Variants in KHDRBS2 observed in about 807,000 individuals in gnomAD.
KHDRBS2 encodes the protein KH RNA binding domain containing, signal transduction associated 2.
KHDRBS2 carries 26 observed loss-of-function variants against 44.3 expected under a neutral mutation model. That is an observed-to-expected ratio of 0.59 (90% CI 0.43 to 0.81). The LOEUF (loss-of-function observed/expected upper bound fraction) is 0.81, where lower values mean the gene tolerates loss of function less well. Ranked by LOEUF, KHDRBS2 falls within the 40% of genes least tolerant of loss-of-function variation. KHDRBS2 has a pLI of 0.00. For missense variants in KHDRBS2, 476 were observed against 433.1 expected, an observed-to-expected ratio of 1.10 and a Z score of -0.88; for synonymous variants, 194 against 151.1, an observed-to-expected ratio of 1.28 and a Z score of -2.08.
At chr6:62,146,433 T>C (rs1362250454) in intron 2 of KHDRBS2, among the ~76,000 whole-genome samples, 2 of 151,468 alleles carry the variant, frequency 1.3e-5, no homozygotes, top group Non-Finnish European at 3.0e-5. Context: ...CATTAAATCT[T>C]ATTTTTAAGT....
At chr6:61,558,909 G>A in the KHDRBS2 span, among the ~76,000 whole-genome samples, 1 of 152,078 alleles carries the variant, frequency 6.6e-6, no homozygotes, top group Non-Finnish European at 1.5e-5. Context: ...TGGTTGAAAC[G>A]TTTTGTAAAT....
chr6:62,068,416 A>G (rs1794243307), intron 2 of KHDRBS2, among the ~76,000 whole-genome samples: 1 of 151,402 alleles, frequency 6.6e-6, no homozygotes, highest in Non-Finnish European at 1.5e-5. Flanking sequence ...TAAGACCCTT[A>G]TCAGATACAT....
At chr6:61,976,814 C>T (rs1237755114) in intron 4 of KHDRBS2, among the ~76,000 whole-genome samples, 1 of 152,020 alleles carries the variant, frequency 6.6e-6, no homozygotes, top group Non-Finnish European at 1.5e-5. Context: ...CAGTAAAATT[C>T]CTTACTCAAT....
intron 2 of KHDRBS2, among the ~76,000 whole-genome samples, chr6:62,170,369 G>A (rs898992276): frequency 2.0e-5 from 3 of 152,070 alleles, no homozygotes; most frequent in Non-Finnish European, 2.9e-5. Flanking sequence ...TCCAGCAGAA[G>A]AAACGCAGGG....
chr6:62,151,156 G>T (rs1815094418), intron 2 of KHDRBS2, among the ~76,000 whole-genome samples: 1 of 152,114 alleles, frequency 6.6e-6, no homozygotes, highest in Non-Finnish European at 1.5e-5. Context: ...TACTATTGAT[G>T]AATTGCCGAG....
chr6:62,069,057 A>T (rs963361066), intron 2 of KHDRBS2, among the ~76,000 whole-genome samples: 1 of 151,590 alleles, frequency 6.6e-6, no homozygotes, highest in African/African-American at 2.4e-5. Flanking sequence ...GATTGGATTG[A>T]AATTGTCATC....
At chr6:61,861,736 C>A (rs1797013129) in intron 6 of KHDRBS2, among the ~76,000 whole-genome samples, 1 of 150,296 alleles carries the variant, frequency 6.7e-6, no homozygotes, top group South Asian at 2.1e-4. Flanking sequence ...ATAGACTTTT[C>A]TAATTCTGTA....
At chr6:61,632,177 G>T in the KHDRBS2 span, among the ~76,000 whole-genome samples, 1 of 152,062 alleles carries the variant, frequency 6.6e-6, no homozygotes, top group Non-Finnish European at 1.5e-5. Flanking sequence ...TATGAGTATG[G>T]CCAATAGAAA....
At chr6:61,782,717 A>G (rs868360318) in intron 6 of KHDRBS2, among the ~76,000 whole-genome samples, 4,528 of 140,552 alleles carry the variant, frequency 0.032, 443 homozygotes, top group African/African-American at 0.11. Flanking sequence ...ATATATATAT[A>G]TATATATATA....
intron 2 of KHDRBS2, among the ~76,000 whole-genome samples, chr6:62,075,055 A>T (rs1796064646): frequency 1.3e-5 from 2 of 151,972 alleles, no homozygotes; most frequent in East Asian, 3.9e-4. Context: ...AGACAAAGTG[A>T]GAGTAACACT....
At position 62,064,413 on chromosome 6, in the gene KHDRBS2, G is replaced by A. The variant is rs1792967087; in HGVS notation, c.220-16419C>T. Among the ~76,000 whole-genome samples, 3 of 147,956 alleles carry A rather than the reference G, an allele frequency of 2.0e-5. No homozygotes were observed. The South Asian group carries it at 6.6e-4, about 33-fold the overall frequency. ...AGGCTACAGTAACCAAAACAGCATGGTACTGGTACCAAAACAGAGATATAG... is the reference window on the plus strand; with the variant it reads ...AGGCTACAGTAACCAAAACAGCATGATACTGGTACCAAAACAGAGATATAG... On this transcript the variant is annotated intron_variant, in intron 2 of 8. Transcript: ENST00000281156.
chr6:62,284,069 T>C (rs907463989), intron 1 of KHDRBS2, among the ~76,000 whole-genome samples: 1 of 152,086 alleles, frequency 6.6e-6, no homozygotes, highest in Non-Finnish European at 1.5e-5. Flanking sequence ...TCCTAAGTAT[T>C]ATATCAAGAA....
chr6:61,978,123 C>A lies in KHDRBS2; in HGVS notation c.426G>T (p.Gly142=). ...CATGACTCATACGTGAATAAGCTTC[C>A]CCAGGTGGAGCAAACACTTCAATTA... The part of the protein sequence containing the change: ...HVLIEVFAPP[G]EAYSRMSHAL... The change falls in exon 4 of 9, where the codon GGG becomes GGT. Residue 142 remains glycine, a synonymous_variant. Coordinates refer to ENST00000281156, the MANE Select transcript of KHDRBS2 (RefSeq NM_152688.4). 1 of 1,611,792 alleles carries A rather than the reference C, an allele frequency of 6.2e-7. No homozygotes were observed. The highest frequency in any genetic ancestry group is 8.5e-7 in the Non-Finnish European group (1 of 1,178,714).
At chr6:62,267,665 G>C (rs1327660162) in intron 1 of KHDRBS2, among the ~76,000 whole-genome samples, 2 of 151,938 alleles carry the variant, frequency 1.3e-5, no homozygotes, top group Admixed American at 1.3e-4. Flanking sequence ...AAGTCAAAAT[G>C]AGCTAAAGAC....
At chr6:61,955,029 T>A (rs1766233271) in intron 4 of KHDRBS2, among the ~76,000 whole-genome samples, 1 of 144,682 alleles carries the variant, frequency 6.9e-6, no homozygotes. Flanking sequence ...CACATACATA[T>A]ATACATACAT....
At chr6:61,710,774 C>G (rs1457330404) in intron 7 of KHDRBS2, among the ~76,000 whole-genome samples, 2 of 146,108 alleles carry the variant, frequency 1.4e-5, no homozygotes, top group African/African-American at 5.1e-5. Context: ...TCAGGTAGAT[C>G]AGCTCTCATT....
At position 62,103,995 on chromosome 6, in the gene KHDRBS2, T is replaced by C. The variant is rs147994120; in HGVS notation, c.220-56001A>G. 7.6e-3 allele frequency among the ~76,000 whole-genome samples: 1,160 copies of C among 152,176 alleles called. 12 individuals carry two copies. Among genetic ancestry groups the C allele is most frequent in the African/African-American group, 0.026 (1,085 of 41,528 alleles). On this transcript the variant is annotated intron_variant, in intron 2 of 8. Coordinates refer to ENST00000281156, the MANE Select transcript of KHDRBS2 (RefSeq NM_152688.4). ...GGATGACCATGGAAAAGAAAAATGA[T>C]ACCAGAGGGAAATACAGATATACAT...
At chr6:61,856,401 C>T (rs969734013) in intron 6 of KHDRBS2, among the ~76,000 whole-genome samples, 5 of 152,082 alleles carry the variant, frequency 3.3e-5, no homozygotes, top group African/African-American at 1.2e-4. Flanking sequence ...TAGTCACTTA[C>T]TTATTTTTAC....
intron 1 of KHDRBS2, among the ~76,000 whole-genome samples, chr6:62,237,631 T>C (rs575297529): frequency 6.6e-5 from 10 of 152,308 alleles, no homozygotes; most frequent in African/African-American, 2.2e-4. Flanking sequence ...TATTTTATAA[T>C]ATGCACAGGG....
Sources: gnomAD v4.1 joint callset for allele counts (sites outside exome capture counted in the v4.1 genomes callset) on GRCh38, gnomAD v4.1.1 for gene constraint, MANE v1.5 for transcripts, NCBI Gene and HGNC (gene_info 2026-07-23, HGNC 2026-07-21) for gene names.